The following ESF1 variants were observed in gnomAD, a reference collection of about 807,000 sequenced individuals.
ESF1 encodes ESF1 nucleolar pre-rRNA processing protein.
A neutral mutation model predicts 92.0 loss-of-function variants in ESF1; 58 were observed. The observed-to-expected ratio is 0.63, with a 90% CI of 0.51 to 0.78. The LOEUF is 0.78. Among genes scored for constraint, ESF1 ranks in the 30% least tolerant of loss-of-function variants. ESF1 has a pLI of 0.00. For missense variants in ESF1, 922 were observed against 989.1 expected (o/e 0.93, Z 0.91); for synonymous variants, 321 against 313.7 (o/e 1.02, Z -0.24).
At chr20:13,779,797 A>C (rs566926909) in intron 2 of ESF1, among the ~76,000 whole-genome samples, 1 of 152,334 alleles carries the variant, frequency 6.6e-6, no homozygotes, top group African/African-American at 2.4e-5. Flanking sequence ...GGTCTCCCAA[A>C]GTGCTGGGAT....
chr20:13,721,256 A>T (rs927877851), intron 11 of ESF1, among the ~76,000 whole-genome samples: 2 of 152,268 alleles, frequency 1.3e-5, no homozygotes, highest in African/African-American at 4.8e-5. Flanking sequence ...GTCAATAAAC[A>T]GAAGGAAATT....
chr20:13,753,609 C>T (rs1237761035), intron 9 of ESF1, among the ~76,000 whole-genome samples: 1 of 152,012 alleles, frequency 6.6e-6, no homozygotes, highest in Non-Finnish European at 1.5e-5. Context: ...TCAGTATCCA[C>T]ACAGATGATC....
intron 10 of ESF1, 45 bp from the exon 11 acceptor site, chr20:13,728,510 A>C: frequency 1.5e-6 from 2 of 1,331,692 alleles, no homozygotes; most frequent in Non-Finnish European, 2.1e-6. Flanking sequence ...TATTACAAGA[A>C]TTATAATAAA....
chr20:13,716,981 C>A (rs2049832925), intron 13 of ESF1, among the ~76,000 whole-genome samples: 1 of 151,678 alleles, frequency 6.6e-6, no homozygotes, highest in South Asian at 2.1e-4. Flanking sequence ...CCACGCCTGG[C>A]TAATTTTTTG....
intron 9 of ESF1, among the ~76,000 whole-genome samples, chr20:13,752,630 C>T (rs1442911369): frequency 1.3e-5 from 2 of 151,946 alleles, no homozygotes; most frequent in Non-Finnish European, 2.9e-5. Context: ...AAAATGAATG[C>T]CCAACTAATT....
In ESF1 at chr20:13,720,032, G is replaced by A. The variant is rs147592365; in HGVS notation, c.2039-1048C>T. ...GGTCTCTAAATGCTTATAACTTTGGGCTTCCTTGATACCGTGACTCCTGTA... is the reference window on the plus strand; with the variant it reads ...GGTCTCTAAATGCTTATAACTTTGGACTTCCTTGATACCGTGACTCCTGTA... On this transcript the variant is annotated intron_variant, in intron 11 of 13. Coordinates refer to ENST00000617257, the MANE Select transcript of ESF1 (RefSeq NM_001276380.2). Among the ~76,000 whole-genome samples the A allele has an allele frequency of 3.5e-3, 529 of 152,170 alleles. 7 individuals carry two copies. The highest frequency in any genetic ancestry group is 4.3e-3 in the Admixed American group (66 of 15,280).
chr20:13,768,196 C>T (rs1419268335), intron 7 of ESF1, among the ~76,000 whole-genome samples: 1 of 152,204 alleles, frequency 6.6e-6, no homozygotes, highest in Non-Finnish European at 1.5e-5. Context: ...TAGCAGGTGG[C>T]AGATACAGCT....
chr20:13,766,156 T>C (rs1206883791), intron 8 of ESF1, among the ~76,000 whole-genome samples: 1 of 151,964 alleles, frequency 6.6e-6, no homozygotes, highest in Non-Finnish European at 1.5e-5. Context: ...AATGACGAGA[T>C]CTAACATGTA....
chr20:13,772,558 C>T lies in ESF1; in HGVS notation c.1207G>A (p.Val403Ile). The T allele has an allele frequency of 6.2e-7, 1 of 1,613,098 alleles. No homozygotes were observed. The highest frequency in any genetic ancestry group is 2.2e-5 in the East Asian group (1 of 44,790). Residue 403 changes from valine (V) to isoleucine (I), a missense_variant, in exon 5 of 14, where the codon GTA becomes ATA. Transcript: ENST00000617257. ...TCTTCAGGAATACTTAATAGCTCTA[C>T]TGGTCCTTGAACTTGCTCTTCCTTC... ...RMKEEQVQGP[V>I]ELLSIPEDAP...
Position 13,714,988 on chromosome 20 carries a change from C to A in ESF1, c.2442G>T (p.Glu814Asp), listed in dbSNP as rs1489043985. The change falls in exon 14 of 14, where the codon GAG (glutamate) becomes GAT (aspartate). Residue 814 changes from glutamate (E) to aspartate (D), a missense_variant. Physicochemically the swap from Glu to Asp is conservative, Grantham distance 45. Coordinates refer to ENST00000617257, the MANE Select transcript of ESF1 (RefSeq NM_001276380.2). ...ACTTCCTTTGTGATTCCTTTTCAATCTCACTCTCTTTTTTCTTTATTGCCT... is the reference window on the plus strand; with the variant it reads ...ACTTCCTTTGTGATTCCTTTTCAATATCACTCTCTTTTTTCTTTATTGCCT... ...LTQAIKKKES[E>D]IEKESQRKSI... 17 of 1,613,946 alleles carry A rather than the reference C, an allele frequency of 1.1e-5. No homozygotes were observed. The highest frequency in any genetic ancestry group is 1.4e-5 in the Non-Finnish European group (17 of 1,179,976).
At chr20:13,730,843 T>A (rs1337310491) in intron 10 of ESF1, among the ~76,000 whole-genome samples, 1 of 152,030 alleles carries the variant, frequency 6.6e-6, no homozygotes, top group African/African-American at 2.4e-5. Context: ...AAATACTAGA[T>A]AACACGGCAT....
At chr20:13,725,984 A>T (rs575982773) in intron 11 of ESF1, among the ~76,000 whole-genome samples, 50 of 152,176 alleles carry the variant, frequency 3.3e-4, no homozygotes, top group Non-Finnish European at 6.3e-4. Context: ...TCAAACCAAA[A>T]ACAGAAGTTA....
chr20:13,776,681 A>G (rs1979958254), intron 2 of ESF1, among the ~76,000 whole-genome samples: 1 of 152,204 alleles, frequency 6.6e-6, no homozygotes, highest in African/African-American at 2.4e-5. Context: ...ATCAATATAT[A>G]GGAAAAGTTA....
At chr20:13,779,255 C>T (rs1270159791) in intron 2 of ESF1, among the ~76,000 whole-genome samples, 1 of 151,560 alleles carries the variant, frequency 6.6e-6, no homozygotes, top group Non-Finnish European at 1.5e-5. Context: ...CCATTTTCCC[C>T]CAATTATAAA....
intron 4 of ESF1, among the ~76,000 whole-genome samples, chr20:13,773,716 G>C (rs547189473): frequency 7.9e-5 from 12 of 152,254 alleles, no homozygotes; most frequent in African/African-American, 2.9e-4. Flanking sequence ...GTAACTTGTA[G>C]GGTGAGTTTT....
chr20:13,721,679 T>A (rs186644607), intron 11 of ESF1, among the ~76,000 whole-genome samples: 5 of 152,302 alleles, frequency 3.3e-5, no homozygotes, highest in Admixed American at 2.0e-4. Context: ...GCGAATACTC[T>A]TGCACACCTG....
chr20:13,736,491 C>T (rs189179001), intron 9 of ESF1, among the ~76,000 whole-genome samples: 6 of 152,098 alleles, frequency 3.9e-5, no homozygotes, highest in African/African-American at 1.4e-4. Flanking sequence ...TCTAACTAGA[C>T]CAAAAGCAGC....
chr20:13,771,396 A>G lies in ESF1; in HGVS notation c.1338T>C (p.Ala446=), dbSNP rs771692000. The part of the protein sequence containing the change: ...AVVDCDSPET[A]SKIYEDCDGL... ...CATCACAATCCTCATAAATTTTACT[A>G]GCTGTTTCCGGAGAATCACAGTCTA... Residue 446 remains alanine (A), a synonymous_variant, in exon 6 of 14, where the codon GCT becomes GCC. Coordinates refer to ENST00000617257, the MANE Select transcript of ESF1 (RefSeq NM_001276380.2). 46 of 1,612,802 alleles carry G rather than the reference A, an allele frequency of 2.9e-5. No individual in the cohort carries two copies. In the Middle Eastern group the frequency reaches 7.0e-4, roughly 25 times the overall value.
At chr20:13,747,213 T>C (rs1483763283) in intron 9 of ESF1, among the ~76,000 whole-genome samples, 2 of 151,780 alleles carry the variant, frequency 1.3e-5, no homozygotes, top group African/African-American at 4.8e-5. Context: ...GGCAGTGTCC[T>C]TTATGCAGTA....
Sources: gnomAD v4.1 joint callset for allele counts (sites outside exome capture counted in the v4.1 genomes callset) on GRCh38, gnomAD v4.1.1 for gene constraint, MANE v1.5 for transcripts, NCBI Gene and HGNC (gene_info 2026-07-23, HGNC 2026-07-21) for gene names.